Variants in CACNB4 observed in about 807,000 individuals in gnomAD.
CACNB4 encodes the protein voltage-dependent L-type calcium channel subunit beta-4.
A neutral mutation model predicts 71.2 loss-of-function variants in CACNB4; 32 were observed. That is an observed-to-expected ratio of 0.45 (90% CI 0.34 to 0.60). CACNB4 has a LOEUF of 0.60. CACNB4 is among the 20% of genes least tolerant of loss of function. CACNB4 has a pLI of 0.01. For synonymous variants in CACNB4, 231 were observed against 236.9 expected (o/e 0.97, Z 0.23); for missense variants, 464 against 647.9 (o/e 0.72, Z 3.08).
intron 2 of CACNB4, among the ~76,000 whole-genome samples, chr2:151,906,012 CT>C (rs1438511076): frequency 6.6e-6 from 1 of 152,168 alleles, no homozygotes; most frequent in African/African-American, 2.4e-5. Context: ...AAGCAGCTAC[CT>C]CATCCTGTCT....
chr2:151,877,669 T>C (rs917464883), intron 4 of CACNB4, among the ~76,000 whole-genome samples: 1 of 152,258 alleles, frequency 6.6e-6, no homozygotes, highest in South Asian at 2.1e-4. Flanking sequence ...TCCATCTTAC[T>C]ACTTGAAGAA....
At chr2:152,002,441 G>A (rs185854889) in intron 2 of CACNB4, among the ~76,000 whole-genome samples, 20 of 152,270 alleles carry the variant, frequency 1.3e-4, no homozygotes, top group African/African-American at 4.3e-4. Flanking sequence ...AAATACTGTC[G>A]AGGTTATACA....
intron 2 of CACNB4, among the ~76,000 whole-genome samples, chr2:152,046,896 T>C (rs1685166415): frequency 6.6e-6 from 1 of 152,190 alleles, no homozygotes; most frequent in South Asian, 2.1e-4. Context: ...TATCCTGGGC[T>C]ATGAGCACTG....
chr2:151,852,083 G>A (rs571506262), intron 12 of CACNB4: 2 of 152,156 alleles, frequency 1.3e-5, no homozygotes, highest in African/African-American at 2.4e-5. Flanking sequence ...GATGGGTTAG[G>A]GGGTAGGAAA....
intron 2 of CACNB4, among the ~76,000 whole-genome samples, chr2:151,923,377 T>C (rs1003808982): frequency 2.0e-5 from 3 of 152,232 alleles, no homozygotes; most frequent in Non-Finnish European, 4.4e-5. Flanking sequence ...TCTTTATTTA[T>C]GTGCTGGATC....
chr2:151,920,814 T>C (rs1463949462), intron 2 of CACNB4, among the ~76,000 whole-genome samples: 1 of 152,188 alleles, frequency 6.6e-6, no homozygotes, highest in East Asian at 1.9e-4. Flanking sequence ...TTTTGAGAGC[T>C]GCCTTAGAAT....
rs148254256 is a variant in CACNB4 at position 151,929,981 on chromosome 2, G to T, written c.148-46611C>A. On this transcript the variant is annotated intron_variant, in intron 2 of 13. Transcript: ENST00000539935. Reference sequence around the variant, plus strand: ...CATAATCAAAATACAAACAAGATTTGGGGAACATTTTCACAAAATCATACA... The same window carrying T: ...CATAATCAAAATACAAACAAGATTTTGGGAACATTTTCACAAAATCATACA... Among the ~76,000 whole-genome samples the T allele has an allele frequency of 8.5e-5, 13 of 152,078 alleles. No homozygotes were observed. The East Asian group carries it at 1.9e-3, about 23-fold the overall frequency.
At chr2:152,060,359 C>T (rs972424969) in intron 2 of CACNB4, among the ~76,000 whole-genome samples, 1 of 152,144 alleles carries the variant, frequency 6.6e-6, no homozygotes, top group Non-Finnish European at 1.5e-5. Flanking sequence ...ATTATTAATT[C>T]ACAGGAGAAC....
intron 2 of CACNB4, among the ~76,000 whole-genome samples, chr2:152,012,717 A>G (rs969760825): frequency 3.9e-5 from 6 of 152,246 alleles, no homozygotes; most frequent in Non-Finnish European, 7.3e-5. Flanking sequence ...GTGTTATTCC[A>G]AAACAGTCAA....
intron 2 of CACNB4, among the ~76,000 whole-genome samples, chr2:152,078,836 A>G (rs140846825): frequency 6.6e-6 from 1 of 152,312 alleles, no homozygotes; most frequent in Non-Finnish European, 1.5e-5. Context: ...ACCTTCTTGT[A>G]GACTGTTAAG....
In CACNB4 at chr2:151,883,290, C is replaced by T. The variant is rs746984615; in HGVS notation, c.228G>A (p.Glu76=). ...GCTGGATAGCTGCTTGCTGTTCTCT[C>T]TCCTGTCGAATTGCTTCCCGGTCCT... ...LEEDREAIRQ[E]REQQAAIQLE... The change falls in exon 3 of 14, where the codon GAG becomes GAA. Residue 76 remains glutamate, a synonymous_variant. Transcript: ENST00000539935. 3 of 1,613,866 alleles carry T rather than the reference C, an allele frequency of 1.9e-6. No homozygotes were observed. Among genetic ancestry groups the T allele is most frequent in the Admixed American group, 1.7e-5 (1 of 60,008 alleles).
At chr2:151,862,105 C>T (rs185015254) in intron 9 of CACNB4, among the ~76,000 whole-genome samples, 1 of 152,226 alleles carries the variant, frequency 6.6e-6, no homozygotes, top group African/African-American at 2.4e-5. Context: ...AAAGTAGCAC[C>T]CCTCCCCTTT....
intron 2 of CACNB4, among the ~76,000 whole-genome samples, chr2:152,041,794 A>G (rs1179525323): frequency 6.6e-6 from 1 of 152,206 alleles, no homozygotes; most frequent in Non-Finnish European, 1.5e-5. Context: ...CAAGTGATTA[A>G]AAGATAGTGT....
At chr2:151,931,448 A>G (rs1386129447) in intron 2 of CACNB4, among the ~76,000 whole-genome samples, 3 of 152,238 alleles carry the variant, frequency 2.0e-5, no homozygotes, top group Non-Finnish European at 4.4e-5. Context: ...TCTAGTTGGC[A>G]ACAGCATGTG....
At chr2:151,940,313 G>A (rs1036053164) in intron 2 of CACNB4, among the ~76,000 whole-genome samples, 1 of 152,166 alleles carries the variant, frequency 6.6e-6, no homozygotes, top group Non-Finnish European at 1.5e-5. Flanking sequence ...CTCCCCCAAA[G>A]AGGAACCTCT....
chr2:152,070,977 G>C (rs150375212), intron 2 of CACNB4, among the ~76,000 whole-genome samples: 1,815 of 152,322 alleles, frequency 0.012, 36 homozygotes, highest in African/African-American at 0.042. Flanking sequence ...ATGTTGGCCT[G>C]GCTGGTCTCA....
At chr2:152,072,040 G>C (rs1231808533) in intron 2 of CACNB4, among the ~76,000 whole-genome samples, 1 of 152,246 alleles carries the variant, frequency 6.6e-6, no homozygotes, top group Non-Finnish European at 1.5e-5. Flanking sequence ...TTGCAGTGAT[G>C]AAATGCAACA....
chr2:151,917,727 T>C (rs1203199555), intron 2 of CACNB4, among the ~76,000 whole-genome samples: 2 of 150,240 alleles, frequency 1.3e-5, no homozygotes, highest in Non-Finnish European at 3.0e-5. Flanking sequence ...TCCCAACTAC[T>C]TGGGAGGCTG....
intron 2 of CACNB4, among the ~76,000 whole-genome samples, chr2:151,909,768 G>C (rs2099855741): frequency 6.6e-6 from 1 of 152,122 alleles, no homozygotes; most frequent in African/African-American, 2.4e-5. Flanking sequence ...AGTATCCCAT[G>C]GTGGATACGT....
Sources: gnomAD v4.1 joint callset for allele counts (sites outside exome capture counted in the v4.1 genomes callset) on GRCh38, gnomAD v4.1.1 for gene constraint, MANE v1.5 for transcripts, NCBI Gene and HGNC (gene_info 2026-07-23, HGNC 2026-07-21) for gene names.